ZBBX: variants seen among roughly 807,000 people sequenced by gnomAD.
ZBBX encodes the protein zinc finger B-box domain-containing protein 1.
A neutral mutation model predicts 108.5 loss-of-function variants in ZBBX; 101 were observed. The ratio of observed to expected loss-of-function variants is 0.93; its 90% CI spans 0.79 to 1.10. The LOEUF is 1.10. Ranked by LOEUF, ZBBX falls within the 50% of genes least tolerant of loss-of-function variation. ZBBX has a pLI of 0.00. For missense variants in ZBBX, 1,009 were observed against 941.4 expected (o/e 1.07, Z -0.94); for synonymous variants, 356 against 323.4 (o/e 1.10, Z -1.08).
intron 17 of ZBBX, among the ~76,000 whole-genome samples, chr3:167,304,578 C>G (rs773450623): frequency 1.1e-4 from 16 of 152,086 alleles, no homozygotes; most frequent in Admixed American, 2.6e-4. Flanking sequence ...CACGGATTAA[C>G]AATAATGTTA....
intron 6 of ZBBX, among the ~76,000 whole-genome samples, chr3:167,361,449 T>C (rs1488374824): frequency 6.6e-6 from 1 of 152,158 alleles, no homozygotes; most frequent in Non-Finnish European, 1.5e-5. Context: ...ATATAGATAC[T>C]GTCAATTCAG....
intron 9 of ZBBX, among the ~76,000 whole-genome samples, chr3:167,347,067 T>C (rs180804142): frequency 1.3e-5 from 2 of 152,066 alleles, no homozygotes. Context: ...TCTTTCTTAT[T>C]CTATTTCTTA....
intron 5 of ZBBX, chr3:167,366,759 C>A (rs1454056767): frequency 1.9e-4 from 85 of 446,086 alleles, no homozygotes; most frequent in Middle Eastern, 3.3e-4. Flanking sequence ...AGAAAAGCTT[C>A]CACAGCTAAG....
intron 12 of ZBBX, among the ~76,000 whole-genome samples, chr3:167,319,980 A>C (rs199669817): frequency 6.6e-6 from 1 of 151,678 alleles, no homozygotes; most frequent in Non-Finnish European, 1.5e-5. Context: ...ACAGAAAAAA[A>C]TTTATATGTG....
chr3:167,325,683 C>A (rs1737248884), intron 11 of ZBBX, among the ~76,000 whole-genome samples: 1 of 152,086 alleles, frequency 6.6e-6, no homozygotes. Context: ...CATCATTTGA[C>A]CCCACCACAT....
chr3:167,271,217 A>C (rs1431011467), intron 20 of ZBBX, among the ~76,000 whole-genome samples: 2 of 152,228 alleles, frequency 1.3e-5, no homozygotes, highest in African/African-American at 4.8e-5. Flanking sequence ...AGGTCTTATT[A>C]ATAGCAAAAG....
chr3:167,203,669 G>C, the ZBBX span, among the ~76,000 whole-genome samples: 2 of 152,036 alleles, frequency 1.3e-5, no homozygotes, highest in Non-Finnish European at 2.9e-5. Context: ...ATATAACAGT[G>C]AGCCAAAGAA....
chr3:167,263,256 G>A (rs1260288632), intron 20 of ZBBX, among the ~76,000 whole-genome samples: 1 of 152,026 alleles, frequency 6.6e-6, no homozygotes, highest in African/African-American at 2.4e-5. Flanking sequence ...CTCCCAAAGT[G>A]CTGGGATTAC....
the ZBBX span, among the ~76,000 whole-genome samples, chr3:167,231,364 C>G: frequency 6.6e-6 from 1 of 151,712 alleles, no homozygotes; most frequent in South Asian, 2.1e-4. Flanking sequence ...ATCATGAGAG[C>G]GTGGTGTCCT....
chr3:167,407,767 C>T (rs1380682209), exon 1 of ZBBX, among the ~76,000 whole-genome samples: 2 of 151,944 alleles, frequency 1.3e-5, no homozygotes, highest in East Asian at 3.9e-4. Context: ...AGGGGTTGGT[C>T]TTGCTGATTC....
At chr3:167,212,609 T>A in the ZBBX span, among the ~76,000 whole-genome samples, 2 of 152,228 alleles carry the variant, frequency 1.3e-5, no homozygotes, top group South Asian at 4.1e-4. Context: ...AAACCCTTCA[T>A]CTTGGGCTAA....
At chr3:167,399,593 G>A (rs1385780940) in intron 1 of ZBBX, 1 of 152,132 alleles carries the variant, frequency 6.6e-6, no homozygotes, top group Non-Finnish European at 1.5e-5. Flanking sequence ...GGAAGGATGG[G>A]AATTTTATGC....
At chr3:167,256,738 G>T (rs1723596475) in intron 20 of ZBBX, among the ~76,000 whole-genome samples, 1 of 151,822 alleles carries the variant, frequency 6.6e-6, no homozygotes. Flanking sequence ...GTCTTTCTGT[G>T]CCTAGCTTAT....
At chr3:167,211,542 T>C in the ZBBX span, among the ~76,000 whole-genome samples, 2 of 152,098 alleles carry the variant, frequency 1.3e-5, no homozygotes, top group Non-Finnish European at 2.9e-5. Flanking sequence ...TCCAGCCAGC[T>C]AGCAGTAGCG....
chr3:167,273,788 C>T (rs760917097), intron 20 of ZBBX, among the ~76,000 whole-genome samples: 86 of 152,120 alleles, frequency 5.7e-4, no homozygotes, highest in Non-Finnish European at 9.8e-4. Flanking sequence ...AAAAGAAGCC[C>T]CTTATGGGTC....
chr3:167,351,584 A>G (rs1742653447), intron 8 of ZBBX, among the ~76,000 whole-genome samples: 1 of 152,084 alleles, frequency 6.6e-6, no homozygotes, highest in Non-Finnish European at 1.5e-5. Context: ...AATCCTAACT[A>G]TGGAGAGATC....
chr3:167,370,747 G>T (rs1273704383), intron 4 of ZBBX, among the ~76,000 whole-genome samples: 1 of 152,084 alleles, frequency 6.6e-6, no homozygotes, highest in Non-Finnish European at 1.5e-5. Flanking sequence ...AGCTAAGGTT[G>T]ATCCTTAGCT....
intron 1 of ZBBX, among the ~76,000 whole-genome samples, chr3:167,390,649 G>A (rs966993116): frequency 5.3e-5 from 8 of 151,920 alleles, no homozygotes; most frequent in Admixed American, 4.6e-4. Flanking sequence ...CATTTGTTGT[G>A]TCCTCTCTTA....
the ZBBX span, among the ~76,000 whole-genome samples, chr3:167,209,785 C>T: frequency 2.6e-5 from 4 of 152,066 alleles, no homozygotes; most frequent in African/African-American, 7.2e-5. Context: ...TATGACCTTC[C>T]AGACACAGAA....
Sources: allele counts gnomAD v4.1 joint callset (sites outside exome capture counted in the v4.1 genomes callset), GRCh38; gene constraint gnomAD v4.1.1; transcripts MANE v1.5; gene names NCBI Gene and HGNC (gene_info 2026-07-23, HGNC 2026-07-21).